Variants in OTUD7A observed in about 807,000 individuals in gnomAD.
The protein encoded by OTUD7A is OTU deubiquitinase 7A, also known as OTU domain-containing protein 7A.
Under a neutral mutation model 65.7 loss-of-function variants are expected in OTUD7A, and 12 were observed. The ratio of observed to expected loss-of-function variants is 0.18; its 90% CI spans 0.12 to 0.30. The LOEUF is 0.30. OTUD7A is among the 10% of genes least tolerant of loss of function. The pLI, the probability that OTUD7A is intolerant of heterozygous loss-of-function variation, is 1.00. For synonymous variants in OTUD7A, 641 were observed against 586.3 expected, an observed-to-expected ratio of 1.09 and a Z score of -1.35; for missense variants, 1,148 against 1,304.8, an observed-to-expected ratio of 0.88 and a Z score of 1.85.
intron 1 of OTUD7A, among the ~76,000 whole-genome samples, chr15:31,855,190 T>TA (rs1399238211): frequency 7.9e-5 from 12 of 151,758 alleles, no homozygotes; most frequent in Admixed American, 7.9e-4. Flanking sequence ...AAGAAAGTGA[T>TA]ACAGCAATAC....
intron 1 of OTUD7A, among the ~76,000 whole-genome samples, chr15:31,668,749 G>C (rs900584915): frequency 3.9e-5 from 6 of 152,166 alleles, no homozygotes; most frequent in Non-Finnish European, 5.9e-5. Context: ...TAGCAGGGTT[G>C]GTTTTCTGGT....
chr15:31,835,158 C>T (rs373437920), intron 1 of OTUD7A, among the ~76,000 whole-genome samples: 1 of 152,190 alleles, frequency 6.6e-6, no homozygotes, highest in Admixed American at 6.5e-5. Flanking sequence ...TTTGCTTTTA[C>T]CTTGGATGAA....
At chr15:31,588,111 A>C (rs942195579) in intron 3 of OTUD7A, among the ~76,000 whole-genome samples, 39 of 152,240 alleles carry the variant, frequency 2.6e-4, no homozygotes, top group African/African-American at 9.1e-4. Flanking sequence ...AACAGCACAA[A>C]AGAGAAACAA....
intron 3 of OTUD7A, among the ~76,000 whole-genome samples, chr15:31,643,695 C>T (rs532131371): frequency 3.9e-4 from 60 of 152,252 alleles, no homozygotes; most frequent in African/African-American, 1.3e-3. Context: ...TGATTGAGTG[C>T]CAGACAGCAA....
At chr15:31,499,171 CAGCCTG>C (rs978632856) in intron 10 of OTUD7A, among the ~76,000 whole-genome samples, 6 of 152,216 alleles carry the variant, frequency 3.9e-5, no homozygotes, top group African/African-American at 1.4e-4. Flanking sequence ...AGCCTTGTCT[CAGCCTG>C]AAATACATTT....
rs578112133 is a variant in OTUD7A at position 31,694,859 on chromosome 15, T to C, written c.-99-37782A>G. 3.3e-5 allele frequency among the ~76,000 whole-genome samples: 5 copies of C among 152,248 alleles called. No individual in the cohort carries two copies. The East Asian group carries it at 5.8e-4, about 18-fold the overall frequency. The stretch of plus-strand genomic sequence containing the variant: ...ACCACGTTTTACATTTTCTTTTTTT[T>C]TTTTGAGACAGAGTCTTGCTCTGTC... On this transcript the variant is annotated intron_variant, in intron 1 of 12. Coordinates refer to ENST00000307050, the MANE Select transcript of OTUD7A (RefSeq NM_001382637.1).
intron 1 of OTUD7A, among the ~76,000 whole-genome samples, chr15:31,810,940 C>T (rs36026100): frequency 0.012 from 1,829 of 152,290 alleles, 18 homozygotes; most frequent in Non-Finnish European, 0.019. Context: ...ATGAGAAAGT[C>T]CCCAGTCCAT....
chr15:31,734,285 C>T (rs1353258382), intron 1 of OTUD7A, among the ~76,000 whole-genome samples: 2 of 152,274 alleles, frequency 1.3e-5, no homozygotes, highest in East Asian at 3.9e-4. Context: ...ACATTTCATG[C>T]TCATGGATAG....
chr15:31,631,398 A>G lies in OTUD7A; in HGVS notation c.151+23698T>C, dbSNP rs991720957. 3.8e-3 allele frequency among the ~76,000 whole-genome samples: 576 copies of G among 152,288 alleles called. 3 individuals carry two copies. Among genetic ancestry groups the G allele is most frequent in the Non-Finnish European group, 6.7e-3 (457 of 68,034 alleles). On this transcript the variant is annotated intron_variant, in intron 3 of 12. Transcript: ENST00000307050. ...TCTGGGTTGAAAATTCTTTTCTTTA[A>G]GAATGTTGAATATTGGCCCCAACTC... is the stretch of plus-strand genomic sequence containing the variant.
Position 31,511,166 on chromosome 15 carries a change from T to TACATATGTATATCTATATGTAACAC in OTUD7A, c.894-7373_894-7349dup. Reference sequence around the variant, plus strand: ...TACATATGTATATCTATATGTAACATACATATGTATATCTATATGTAACAC... The same window carrying TACATATGTATATCTATATGTAACAC: ...TACATATGTATATCTATATGTAACATACATATGTATATCTATATGTAACACACATATGTATATCTATATGTAACAC... On this transcript the variant is annotated intron_variant, in intron 8 of 12. Coordinates refer to ENST00000307050, the MANE Select transcript of OTUD7A (RefSeq NM_001382637.1). Among the ~76,000 whole-genome samples, 3 of 6,254 alleles carry TACATATGTATATCTATATGTAACAC rather than the reference T, an allele frequency of 4.8e-4. 1 individual carries two copies. The highest frequency in any genetic ancestry group is 7.5e-4 in the Non-Finnish European group (3 of 4,008). 4.1% of individuals were successfully genotyped at this position (6,254 alleles called of 152,430 possible).
Position 31,505,490 on chromosome 15 carries a change from T to C in OTUD7A, c.894-1672A>G, listed in dbSNP as rs575822052. 1.2e-4 allele frequency among the ~76,000 whole-genome samples: 18 copies of C among 152,334 alleles called. No individual in the cohort carries two copies. The East Asian group carries it at 3.5e-3, about 29-fold the overall frequency. On this transcript the variant is annotated intron_variant, in intron 8 of 12. Coordinates refer to ENST00000307050, the MANE Select transcript of OTUD7A (RefSeq NM_001382637.1). ...TCTAAGAGAAGTTACTATTTATTTTTAATTAGATGGGGAGGAAAGGCTTTG... is the reference window on the plus strand; with the variant it reads ...TCTAAGAGAAGTTACTATTTATTTTCAATTAGATGGGGAGGAAAGGCTTTG...
intron 1 of OTUD7A, among the ~76,000 whole-genome samples, chr15:31,688,487 C>T (rs79552449): frequency 0.057 from 8,700 of 151,640 alleles, 558 homozygotes; most frequent in African/African-American, 0.16. Flanking sequence ...TAAAAAGAGG[C>T]GTAACTGAAT....
chr15:31,526,267 G>C (rs1021022160), intron 8 of OTUD7A, 82 bp downstream of exon 8: 4 of 1,287,982 alleles, frequency 3.1e-6, no homozygotes, highest in Non-Finnish European at 4.2e-6. Flanking sequence ...ATTCCCCCCC[G>C]TGCCATCCCC....
At position 31,503,812 on chromosome 15, in the gene OTUD7A, G is replaced by C; in HGVS notation, c.900C>G (p.Asp300Glu). The stretch of plus-strand genomic sequence containing the variant: ...TCTCGTACACGGGGTCCTCAGAGTT[G>C]TCCACACTGTGAAACAAAACAGAGC... ...SKNGGTGGGV[D>E]NSEDPVYESL... is the part of the protein sequence containing the mutation. Residue 300 changes from aspartate to glutamate, a missense_variant, in exon 9 of 13, where the codon GAC (aspartate) becomes GAG (glutamate). Around this residue, in one of 6 missense-constraint regions of OTUD7A, gnomAD observed 25 missense variants for 18.7 expected, o/e 1.34. Coordinates refer to ENST00000307050, the MANE Select transcript of OTUD7A (RefSeq NM_001382637.1). 5.0e-6 allele frequency: 8 copies of C among 1,614,166 alleles called. No homozygotes were observed. The highest frequency in any genetic ancestry group is 6.8e-6 in the Non-Finnish European group (8 of 1,180,030).
Position 31,655,183 on chromosome 15 carries a change from G to A in OTUD7A, c.64C>T (p.Pro22Ser), listed in dbSNP as rs1164653855. 6.5e-7 allele frequency: 1 copy of A among 1,549,360 alleles called. No individual in the cohort carries two copies. The highest frequency in any genetic ancestry group is 2.4e-5 in the East Asian group (1 of 42,548). The change falls in exon 3 of 13, where the codon CCT (proline) becomes TCT (serine). Residue 22 changes from proline (P) to serine (S), a missense_variant. By Grantham distance (74) the Pro-to-Ser change is moderately conservative. This residue lies in a region of OTUD7A where 38 missense variants were observed against 85.7 expected (regional missense o/e 0.44). Transcript: ENST00000307050. ...ACTGCGTCCATATCAAGAGTCATAG[G>A]ATCATGTAGAAGTGCTGCCCAACAC... is the stretch of plus-strand genomic sequence containing the variant. The part of the protein sequence containing the change: ...AECWAALLHD[P>S]MTLDMDAVLS...
intron 4 of OTUD7A, among the ~76,000 whole-genome samples, chr15:31,564,493 G>A (rs1344273267): frequency 6.6e-6 from 1 of 151,426 alleles, no homozygotes; most frequent in African/African-American, 2.4e-5. Context: ...ATAAGATTGA[G>A]AGCAAGTAGA....
intron 1 of OTUD7A, among the ~76,000 whole-genome samples, chr15:31,858,137 G>A (rs1023548871): frequency 1.3e-5 from 2 of 152,160 alleles, no homozygotes; most frequent in Admixed American, 6.5e-5. Flanking sequence ...TTGTTCAGGG[G>A]CAGAAAGGTG....
At chr15:31,589,777 ATT>A (rs1889664463) in intron 3 of OTUD7A, among the ~76,000 whole-genome samples, 1 of 152,128 alleles carries the variant, frequency 6.6e-6, no homozygotes, top group African/African-American at 2.4e-5. Flanking sequence ...GTACTCAACT[ATT>A]TCAAACAACT....
At chr15:31,508,529 T>C (rs2041619346) in intron 8 of OTUD7A, among the ~76,000 whole-genome samples, 1 of 152,196 alleles carries the variant, frequency 6.6e-6, no homozygotes, top group Non-Finnish European at 1.5e-5. Context: ...TCTTTTTGTA[T>C]TTTTAGTAGA....
Sources: gnomAD v4.1 joint callset for allele counts (sites outside exome capture counted in the v4.1 genomes callset) on GRCh38, gnomAD v4.1.1 for gene constraint, gnomAD v4.1.1 regional missense constraint, MANE v1.5 for transcripts, NCBI Gene and HGNC (gene_info 2026-07-23, HGNC 2026-07-21) for gene names.